Variants in TRHDE observed in about 807,000 individuals in gnomAD.
TRHDE encodes thyrotropin releasing hormone degrading enzyme, also known as thyrotropin-releasing hormone-degrading ectoenzyme.
In TRHDE, 72 loss-of-function variants were observed where a neutral mutation model predicts 125.7. That is an observed-to-expected ratio of 0.57 (90% CI 0.47 to 0.70). The LOEUF is 0.70. Among genes scored for constraint, TRHDE ranks in the 30% least tolerant of loss-of-function variants. The pLI, the probability that TRHDE is intolerant of heterozygous loss-of-function variation, is 0.00. For missense variants in TRHDE, 1,110 were observed against 1,327.1 expected (o/e 0.84, Z 2.54); for synonymous variants, 509 against 509.1 (o/e 1.00, Z 0.00).
chr12:72,174,821 G>A (rs539209740), intron 2 of TRHDE, among the ~76,000 whole-genome samples: 16 of 152,036 alleles, frequency 1.1e-4, no homozygotes, highest in African/African-American at 3.9e-4. Context: ...TCATTAAGGT[G>A]GTGTCCACCT....
chr12:72,480,182 A>C (rs1877101542), intron 5 of TRHDE, among the ~76,000 whole-genome samples: 3 of 151,732 alleles, frequency 2.0e-5, no homozygotes, highest in Admixed American at 1.3e-4. Flanking sequence ...ATACCCAGTA[A>C]TGGGATGGCT....
At chr12:72,246,879 T>A (rs1302271882) in intron 2 of TRHDE, among the ~76,000 whole-genome samples, 2 of 152,220 alleles carry the variant, frequency 1.3e-5, no homozygotes, top group Non-Finnish European at 1.5e-5. Context: ...TGCAGGAACA[T>A]TTGTCAGTTC....
intron 2 of TRHDE, among the ~76,000 whole-genome samples, chr12:72,234,128 A>G (rs899944556): frequency 1.5e-4 from 23 of 152,218 alleles, no homozygotes; most frequent in Non-Finnish European, 2.8e-4. Flanking sequence ...ATGAGATACA[A>G]TAAACTTCAA....
chr12:72,566,098 T>A (rs921384043), intron 9 of TRHDE, among the ~76,000 whole-genome samples: 3 of 152,056 alleles, frequency 2.0e-5, no homozygotes, highest in Non-Finnish European at 4.4e-5. Flanking sequence ...CTTTCCTTGA[T>A]TTTAAAATGA....
At chr12:72,632,731 C>CAA (rs35575828) in intron 15 of TRHDE, among the ~76,000 whole-genome samples, 164 of 127,458 alleles carry the variant, frequency 1.3e-3, no homozygotes, top group Middle Eastern at 4.2e-3. Context: ...AACATTGGAC[C>CAA]AAAAAAAAAA....
intron 1 of TRHDE, among the ~76,000 whole-genome samples, chr12:72,275,514 G>A (rs1029445743): frequency 6.6e-6 from 1 of 152,096 alleles, no homozygotes; most frequent in South Asian, 2.1e-4. Flanking sequence ...TGTCAAATAC[G>A]GGGGAAAGGC....
At chr12:72,265,120 C>T (rs1411273742) in intron 2 of TRHDE, among the ~76,000 whole-genome samples, 1 of 146,900 alleles carries the variant, frequency 6.8e-6, no homozygotes, top group Non-Finnish European at 1.5e-5. Flanking sequence ...GTTGTTAATA[C>T]AAATGTAAAA....
At chr12:72,465,155 A>G (rs1876309065) in intron 3 of TRHDE, among the ~76,000 whole-genome samples, 1 of 152,152 alleles carries the variant, frequency 6.6e-6, no homozygotes, top group Admixed American at 6.5e-5. Flanking sequence ...ATTCGTTGTG[A>G]ATTAATGTTA....
At chr12:72,220,398 G>A (rs1448369065) in intron 2 of TRHDE, among the ~76,000 whole-genome samples, 1 of 152,160 alleles carries the variant, frequency 6.6e-6, no homozygotes, top group African/African-American at 2.4e-5. Context: ...ACTTGAGACA[G>A]TACCTGGCAG....
At chr12:72,262,201 GCAT>G (rs1196754501) in intron 2 of TRHDE, among the ~76,000 whole-genome samples, 1 of 152,124 alleles carries the variant, frequency 6.6e-6, no homozygotes, top group African/African-American at 2.4e-5. Context: ...CATTTCAGGA[GCAT>G]TAACATTTTG....
intron 2 of TRHDE, among the ~76,000 whole-genome samples, chr12:72,313,216 A>T (rs1182089514): frequency 2.6e-5 from 4 of 152,066 alleles, no homozygotes; most frequent in Non-Finnish European, 1.5e-5. Flanking sequence ...TGGATTTTTT[A>T]AAAAATTTCA....
rs190921726 is a variant in TRHDE at position 72,249,311 on chromosome 12, A to G, written n.280-128684A>G. Reference sequence around the variant, plus strand: ...ATCTGTGTACCTGACAAAGAATTTTATCCATAATATATAAACTCAGTCATA... The same window carrying G: ...ATCTGTGTACCTGACAAAGAATTTTGTCCATAATATATAAACTCAGTCATA... On this transcript the variant is annotated intron_variant and non_coding_transcript_variant, in intron 2 of 4. Transcript: ENST00000548156. 6.4e-4 allele frequency among the ~76,000 whole-genome samples: 98 copies of G among 152,336 alleles called. No homozygotes were observed. In the South Asian group the frequency reaches 7.0e-3, roughly 11 times the overall value.
intron 5 of TRHDE, among the ~76,000 whole-genome samples, chr12:72,479,109 A>G (rs1468994342): frequency 6.6e-6 from 1 of 151,996 alleles, no homozygotes; most frequent in African/African-American, 2.4e-5. Flanking sequence ...GGCATTGGCC[A>G]TGTTAAGAAC....
intron 2 of TRHDE, among the ~76,000 whole-genome samples, chr12:72,122,766 T>C (rs775735526): frequency 6.2e-4 from 94 of 152,266 alleles, no homozygotes; most frequent in Non-Finnish European, 1.2e-3. Context: ...AGGTCTTCTA[T>C]GTGAGTAGAA....
chr12:72,416,669 C>A (rs1490350384), intron 3 of TRHDE, among the ~76,000 whole-genome samples: 2 of 152,018 alleles, frequency 1.3e-5, no homozygotes, highest in Non-Finnish European at 2.9e-5. Context: ...GCAACTTTGT[C>A]AAAAATAAGT....
At chr12:72,225,415 T>C (rs1031136715) in intron 2 of TRHDE, among the ~76,000 whole-genome samples, 1 of 152,170 alleles carries the variant, frequency 6.6e-6, no homozygotes, top group Non-Finnish European at 1.5e-5. Flanking sequence ...CACACAGCAT[T>C]AATTCATCTC....
At chr12:72,406,039 G>C (rs996565148) in intron 3 of TRHDE, among the ~76,000 whole-genome samples, 3 of 152,146 alleles carry the variant, frequency 2.0e-5, no homozygotes, top group Non-Finnish European at 4.4e-5. Flanking sequence ...AGGAGGAGGA[G>C]AAGAAGCAGC....
chr12:72,327,573 A>G (rs1203739633), intron 2 of TRHDE, among the ~76,000 whole-genome samples: 1 of 152,216 alleles, frequency 6.6e-6, no homozygotes, highest in Non-Finnish European at 1.5e-5. Context: ...TATTTATAGT[A>G]ACATTAGCAA....
chr12:72,091,911 A>G (rs901388635), intron 1 of TRHDE, among the ~76,000 whole-genome samples: 1 of 152,214 alleles, frequency 6.6e-6, no homozygotes, highest in African/African-American at 2.4e-5. Context: ...GTAGAAGCTC[A>G]GGGGCTGCCT....
Sources: gnomAD v4.1 joint callset for allele counts (sites outside exome capture counted in the v4.1 genomes callset) on GRCh38, gnomAD v4.1.1 for gene constraint, MANE v1.5 for transcripts, NCBI Gene and HGNC (gene_info 2026-07-23, HGNC 2026-07-21) for gene names.